Variants in NYAP2 observed in about 807,000 individuals in gnomAD.
NYAP2 encodes the protein neuronal tyrosine-phosphorylated phosphoinositide-3-kinase adapter 2.
Under a neutral mutation model 50.4 loss-of-function variants are expected in NYAP2, and 23 were observed. That is an observed-to-expected ratio of 0.46 (90% confidence interval 0.33 to 0.65). The LOEUF (loss-of-function observed/expected upper bound fraction) is 0.65. Ranked by LOEUF, NYAP2 falls within the 30% of genes least tolerant of loss-of-function variation. NYAP2 has a pLI of 0.02. For missense variants in NYAP2, 885 were observed against 861.0 expected, an observed-to-expected ratio of 1.03 and a Z score of -0.35; for synonymous variants, 394 against 365.2, an observed-to-expected ratio of 1.08 and a Z score of -0.90.
chr2:225,702,030 G>A, the NYAP2 span: 2 of 151,690 alleles, frequency 1.3e-5, no homozygotes, highest in African/African-American at 2.4e-5. Flanking sequence ...TCACTTCCAT[G>A]TTAAGACAAG....
chr2:225,595,548 A>C (rs562286081), intron 5 of NYAP2, among the ~76,000 whole-genome samples: 1 of 152,348 alleles, frequency 6.6e-6, no homozygotes, highest in Non-Finnish European at 1.5e-5. Flanking sequence ...GATATGTGTC[A>C]AACAAATGAA....
intron 3 of NYAP2, among the ~76,000 whole-genome samples, chr2:225,470,452 A>G (rs1689995876): frequency 6.6e-6 from 1 of 152,222 alleles, no homozygotes; most frequent in African/African-American, 2.4e-5. Context: ...ATGGGCATAC[A>G]TGGCAGTCTG....
intron 5 of NYAP2, among the ~76,000 whole-genome samples, chr2:225,611,137 T>C (rs1692876214): frequency 6.6e-6 from 1 of 152,122 alleles, no homozygotes; most frequent in Non-Finnish European, 1.5e-5. Flanking sequence ...ATGTAGACTA[T>C]GGGATCTACA....
the NYAP2 span, among the ~76,000 whole-genome samples, chr2:225,693,654 C>T: frequency 1.2e-4 from 18 of 152,004 alleles, no homozygotes; most frequent in Admixed American, 3.9e-4. Context: ...CTTGCTGTAT[C>T]GGCAGCCTGG....
exon 7 of NYAP2, chr2:225,652,416 C>A (rs1693748853): frequency 6.6e-6 from 1 of 152,144 alleles, no homozygotes; most frequent in Non-Finnish European, 1.5e-5. Context: ...ACTGAAATAT[C>A]ATTTAATCCT....
intron 3 of NYAP2, among the ~76,000 whole-genome samples, chr2:225,511,047 C>T (rs1010525249): frequency 4.6e-5 from 7 of 152,108 alleles, no homozygotes; most frequent in African/African-American, 1.4e-4. Context: ...AATGGGATGA[C>T]TGGCTAAATA....
At chr2:225,477,587 C>A (rs1284162569) in intron 3 of NYAP2, among the ~76,000 whole-genome samples, 1 of 152,104 alleles carries the variant, frequency 6.6e-6, no homozygotes, top group Non-Finnish European at 1.5e-5. Context: ...CTGCTGGTCT[C>A]TGGACCTAAC....
At chr2:225,401,247 T>C (rs1007418085) in intron 2 of NYAP2, among the ~76,000 whole-genome samples, 1 of 152,076 alleles carries the variant, frequency 6.6e-6, no homozygotes, top group Admixed American at 6.6e-5. Flanking sequence ...TTTTACTCCC[T>C]TACCCACTTA....
intron 3 of NYAP2, among the ~76,000 whole-genome samples, chr2:225,428,951 T>A (rs1024985718): frequency 5.3e-5 from 8 of 152,220 alleles, no homozygotes; most frequent in South Asian, 4.1e-4. Flanking sequence ...ATATAACATA[T>A]CCTATAAATT....
rs75877759 is a variant in NYAP2, at chr2:225,440,611, T to C, written c.221+31510T>C. On this transcript the variant is annotated intron_variant, in intron 3 of 6. Transcript: ENST00000636099. ...AAAGACTTAAGAGCAAGAGGAATAATGTAGGACAAGATCAAGGAGAGAGTG... is the reference window on the plus strand; with the variant it reads ...AAAGACTTAAGAGCAAGAGGAATAACGTAGGACAAGATCAAGGAGAGAGTG... Among the ~76,000 whole-genome samples, 1,095 of 152,226 alleles carry C rather than the reference T, an allele frequency of 7.2e-3. 11 individuals are homozygous for C. The highest frequency in any genetic ancestry group is 0.025 in the African/African-American group (1,023 of 41,534).
chr2:225,412,810 A>T (rs1372591009), intron 3 of NYAP2, among the ~76,000 whole-genome samples: 1 of 152,082 alleles, frequency 6.6e-6, no homozygotes. Flanking sequence ...CCAAGATGGA[A>T]GCCTGTTCCA....
chr2:225,636,011 C>T (rs1429383890), intron 6 of NYAP2, among the ~76,000 whole-genome samples: 1 of 152,104 alleles, frequency 6.6e-6, no homozygotes, highest in African/African-American at 2.4e-5. Context: ...TATTTTCTAA[C>T]TAAAATTTCT....
chr2:225,440,993 A>G lies in NYAP2; in HGVS notation c.221+31892A>G, dbSNP rs925669719. On this transcript the variant is annotated intron_variant, in intron 3 of 6. Transcript: ENST00000636099. ...GCCTTGGTGATCACTGCTGCTCTCT[A>G]TGAGTTACATTCTGTGCACTGATCT... Among the ~76,000 whole-genome samples, 5 of 152,300 alleles carry G rather than the reference A, an allele frequency of 3.3e-5. No individual in the cohort carries two copies. In the East Asian group the frequency reaches 5.8e-4, roughly 18 times the overall value.
At chr2:225,415,801 C>G (rs1317406617) in intron 3 of NYAP2, among the ~76,000 whole-genome samples, 1 of 152,038 alleles carries the variant, frequency 6.6e-6, no homozygotes, top group Non-Finnish European at 1.5e-5. Context: ...AAATACTCTA[C>G]CAGCTTGCCT....
downstream of NYAP2, among the ~76,000 whole-genome samples, chr2:225,657,401 C>T (rs952324463): frequency 9.9e-5 from 15 of 151,838 alleles, no homozygotes; most frequent in African/African-American, 3.4e-4. Context: ...TGAGCCACTG[C>T]GCCCAGCAGG....
At chr2:225,595,289 A>G (rs764831794) in intron 5 of NYAP2, among the ~76,000 whole-genome samples, 6 of 152,188 alleles carry the variant, frequency 3.9e-5, no homozygotes, top group Non-Finnish European at 8.8e-5. Context: ...CCATAGTGCT[A>G]TGGGTGGATA....
At chr2:225,687,646 T>C in the NYAP2 span, among the ~76,000 whole-genome samples, 2 of 152,198 alleles carry the variant, frequency 1.3e-5, no homozygotes, top group African/African-American at 4.8e-5. Flanking sequence ...ATATATAATA[T>C]ATGCACATAT....
chr2:225,675,838 C>T, the NYAP2 span, among the ~76,000 whole-genome samples: 1 of 152,022 alleles, frequency 6.6e-6, no homozygotes, highest in Non-Finnish European at 1.5e-5. Flanking sequence ...GTCACCATTC[C>T]AATTGATGTG....
At chr2:225,517,358 G>A (rs1276290316) in intron 4 of NYAP2, among the ~76,000 whole-genome samples, 1 of 152,162 alleles carries the variant, frequency 6.6e-6, no homozygotes, top group Non-Finnish European at 1.5e-5. Context: ...TCTCATGTGT[G>A]ATCCAGCAAA....
Sources: gnomAD v4.1 joint callset for allele counts (sites outside exome capture counted in the v4.1 genomes callset) on GRCh38, gnomAD v4.1.1 for gene constraint, MANE v1.5 for transcripts, NCBI Gene and HGNC (gene_info 2026-07-23, HGNC 2026-07-21) for gene names.